The following UBE3D variants were observed in gnomAD, a reference collection of about 807,000 sequenced individuals.
The protein encoded by UBE3D is ubiquitin protein ligase E3D.
A neutral mutation model predicts 49.6 loss-of-function variants in UBE3D; 48 were observed. The observed-to-expected ratio is 0.97, with a 90% CI of 0.77 to 1.23. The LOEUF is 1.23. Ranked by LOEUF, UBE3D falls within the 50% of genes most tolerant of loss-of-function variation. UBE3D has a pLI of 0.00. For synonymous variants in UBE3D, 189 were observed against 174.2 expected (o/e 1.08, Z -0.67); for missense variants, 452 against 468.4 (o/e 0.96, Z 0.32).
chr6:83,007,347 G>A (rs1344679726), intron 8 of UBE3D, among the ~76,000 whole-genome samples: 1 of 152,052 alleles, frequency 6.6e-6, no homozygotes, highest in South Asian at 2.1e-4. Flanking sequence ...AAAAAGGTGG[G>A]AAGAACCACT....
chr6:82,921,315 G>C (rs1773320378), intron 9 of UBE3D, among the ~76,000 whole-genome samples: 1 of 152,088 alleles, frequency 6.6e-6, no homozygotes, highest in African/African-American at 2.4e-5. Context: ...AATCCTCTGA[G>C]GTAGGAAAAA....
At chr6:82,890,089 A>G (rs1217440844), downstream of UBE3D, among the ~76,000 whole-genome samples, 1 of 152,144 alleles carries the variant, frequency 6.6e-6, no homozygotes, top group African/African-American at 2.4e-5. Flanking sequence ...TTGTGGAATT[A>G]TACTCACCAG....
chr6:83,032,501 A>G (rs1781949861), intron 5 of UBE3D, among the ~76,000 whole-genome samples: 1 of 152,212 alleles, frequency 6.6e-6, no homozygotes, highest in Non-Finnish European at 1.5e-5. Context: ...TTGATTTTAA[A>G]GTCTCATAGG....
chr6:82,933,875 G>A (rs928646778), intron 9 of UBE3D, among the ~76,000 whole-genome samples: 1 of 152,174 alleles, frequency 6.6e-6, no homozygotes, highest in Non-Finnish European at 1.5e-5. Context: ...CAGTGTGGAG[G>A]CAGAGCTAAA....
At chr6:82,922,076 A>C (rs1350443524) in intron 9 of UBE3D, among the ~76,000 whole-genome samples, 3 of 152,228 alleles carry the variant, frequency 2.0e-5, no homozygotes, top group Admixed American at 6.5e-5. Flanking sequence ...AGTAGAAGAA[A>C]GATGAATAAG....
At chr6:82,945,013 G>C (rs989949962) in intron 9 of UBE3D, among the ~76,000 whole-genome samples, 1 of 152,226 alleles carries the variant, frequency 6.6e-6, no homozygotes, top group African/African-American at 2.4e-5. Flanking sequence ...TGGCATCCCT[G>C]GACCCACCCA....
the UBE3D span, among the ~76,000 whole-genome samples, chr6:82,881,916 T>C: frequency 7.2e-5 from 11 of 152,318 alleles, no homozygotes; most frequent in South Asian, 1.4e-3. Context: ...AGCTAATACC[T>C]GGCATATTGG....
At chr6:82,916,924 C>A (rs183032118) in intron 9 of UBE3D, among the ~76,000 whole-genome samples, 1 of 152,222 alleles carries the variant, frequency 6.6e-6, no homozygotes, top group African/African-American at 2.4e-5. Context: ...CCTAAGAAGT[C>A]AGACACTGGT....
At chr6:83,038,591 C>T in intron 4 of UBE3D, 106 bp from the exon 5 acceptor site, 1 of 934,292 alleles carries the variant, frequency 1.1e-6, no homozygotes, top group South Asian at 1.6e-5. Context: ...ACATTTTATT[C>T]TGCCCTCTAC....
chr6:82,889,123 C>T (rs1300239410), downstream of UBE3D, among the ~76,000 whole-genome samples: 1 of 152,160 alleles, frequency 6.6e-6, no homozygotes, highest in Non-Finnish European at 1.5e-5. Context: ...GGACACACTC[C>T]TCTGATGGGT....
rs534557572 is a variant in UBE3D at position 83,046,667 on chromosome 6, G to T, written c.366-2008C>A. The stretch of plus-strand genomic sequence containing the variant: ...AGAGTAACGGTTCTAAATTCTTGCA[G>T]TTGGCGGGGGGGGTGGGCGGTGGCA... On this transcript the variant is annotated intron_variant, in intron 3 of 9. Coordinates refer to ENST00000369747, the MANE Select transcript of UBE3D (RefSeq NM_198920.3). Among the ~76,000 whole-genome samples, 589 of 86,904 alleles carry T rather than the reference G, an allele frequency of 6.8e-3. 2 individuals carry two copies. The highest frequency in any genetic ancestry group is 9.7e-3 in the Non-Finnish European group (375 of 38,708). 57.0% of individuals were successfully genotyped at this position (86,904 alleles called of 152,430 possible). A position where few individuals can be genotyped will look rare whatever the true frequency, so the allele number is the denominator to read the frequency against.
intron 9 of UBE3D, among the ~76,000 whole-genome samples, chr6:82,899,362 G>A (rs182525629): frequency 5.3e-5 from 8 of 152,232 alleles, no homozygotes; most frequent in African/African-American, 1.9e-4. Context: ...TGAACTTTCT[G>A]CACACATTCC....
chr6:82,969,308 G>A (rs971627652), intron 8 of UBE3D, among the ~76,000 whole-genome samples: 50 of 152,084 alleles, frequency 3.3e-4, no homozygotes, highest in African/African-American at 1.1e-3. Flanking sequence ...AGAACATCAC[G>A]ATAAAAATAC....
chr6:83,018,869 T>C, intron 8 of UBE3D, 104 bp downstream of exon 8: 2 of 1,315,874 alleles, frequency 1.5e-6, no homozygotes, highest in South Asian at 1.3e-5. Context: ...AAGCTTCAAG[T>C]AGGGAAATGG....
chr6:82,883,216 T>C, the UBE3D span, among the ~76,000 whole-genome samples: 1 of 152,222 alleles, frequency 6.6e-6, no homozygotes, highest in Admixed American at 6.5e-5. Context: ...TAAATGTTTT[T>C]AGTCTGGGAG....
At chr6:83,029,596 CT>C (rs1374788286) in intron 5 of UBE3D, among the ~76,000 whole-genome samples, 5 of 152,076 alleles carry the variant, frequency 3.3e-5, no homozygotes, top group Non-Finnish European at 7.4e-5. Flanking sequence ...TTATTAAGAC[CT>C]TTTTTTCTTG....
At chr6:82,910,383 C>T (rs955480588) in intron 9 of UBE3D, among the ~76,000 whole-genome samples, 1 of 152,162 alleles carries the variant, frequency 6.6e-6, no homozygotes, top group Admixed American at 6.5e-5. Context: ...AGGTTTATTA[C>T]TTTTCTGCAT....
chr6:83,014,785 CG>C lies in UBE3D; in HGVS notation c.1010+4187del, dbSNP rs1335131557. On this transcript the variant is annotated intron_variant, in intron 8 of 9. Transcript: ENST00000369747. ...AGAGGGGTCCTTCCTCAAGGGGACC[CG>C]GACTCCCCTTCATTCAAGGGGTTCT... Among the ~76,000 whole-genome samples, 4 of 152,220 alleles carry C rather than the reference CG, an allele frequency of 2.6e-5. No individual in the cohort carries two copies. The East Asian group carries it at 7.7e-4, about 29-fold the overall frequency.
At chr6:82,929,582 G>T (rs1773994455) in intron 9 of UBE3D, among the ~76,000 whole-genome samples, 1 of 151,588 alleles carries the variant, frequency 6.6e-6, no homozygotes, top group South Asian at 2.1e-4. Context: ...TGTTCTGGTT[G>T]GGGGGGTGGG....
Sources: allele counts gnomAD v4.1 joint callset (sites outside exome capture counted in the v4.1 genomes callset), GRCh38; gene constraint gnomAD v4.1.1; transcripts MANE v1.5; gene names NCBI Gene and HGNC (gene_info 2026-07-23, HGNC 2026-07-21).